DNMBP: variants seen among roughly 807,000 people sequenced by gnomAD.
DNMBP encodes dynamin binding protein, also known as dynamin-binding protein.
Under a neutral mutation model 150.0 loss-of-function variants are expected in DNMBP, and 87 were observed. That is an observed-to-expected ratio of 0.58 (90% CI 0.49 to 0.69). The LOEUF is 0.69. Among genes scored for constraint, DNMBP ranks in the 30% least tolerant of loss-of-function variants. DNMBP has a pLI of 0.00. For missense variants in DNMBP, 1,774 were observed against 1,949.0 expected, an observed-to-expected ratio of 0.91 and a Z score of 1.69; for synonymous variants, 711 against 750.4, an observed-to-expected ratio of 0.95 and a Z score of 0.86.
chr10:99,977,769 T>C (rs968728039), intron 1 of DNMBP, among the ~76,000 whole-genome samples: 1 of 152,226 alleles, frequency 6.6e-6, no homozygotes, highest in African/African-American at 2.4e-5. Flanking sequence ...TTTATTCTTA[T>C]CTTTTAAAAA....
At chr10:99,930,825 G>A in intron 4 of DNMBP, 1 of 609,186 alleles carries the variant, frequency 1.6e-6, no homozygotes, top group East Asian at 2.7e-5. Flanking sequence ...GCTGGGCTGT[G>A]GACAGGTGCA....
At chr10:99,894,922 A>T (rs2039628338) in intron 11 of DNMBP, 24 bp downstream of exon 11, 1 of 1,523,802 alleles carries the variant, frequency 6.6e-7, no homozygotes, top group East Asian at 2.3e-5. Flanking sequence ...ATGTTAATCT[A>T]ACTACAGTGA....
intron 1 of DNMBP, among the ~76,000 whole-genome samples, chr10:99,984,096 G>A (rs1333953959): frequency 1.3e-5 from 2 of 152,126 alleles, no homozygotes; most frequent in South Asian, 2.1e-4. Flanking sequence ...TTAAACTGCT[G>A]TTTTCCTTCC....
chr10:99,942,523 A>T (rs2040311648), intron 4 of DNMBP, among the ~76,000 whole-genome samples: 2 of 152,198 alleles, frequency 1.3e-5, no homozygotes, highest in Non-Finnish European at 1.5e-5. Flanking sequence ...GGCTATCTGA[A>T]GATGAATTAT....
At chr10:99,988,656 T>TTTTATTTA (rs1219674653) in intron 1 of DNMBP, among the ~76,000 whole-genome samples, 1 of 151,934 alleles carries the variant, frequency 6.6e-6, no homozygotes, top group Non-Finnish European at 1.5e-5. Flanking sequence ...TTATTTTTAT[T>TTTTATTTA]TTTATTTATT....
intron 4 of DNMBP, among the ~76,000 whole-genome samples, chr10:99,940,809 G>C (rs2040288743): frequency 6.6e-6 from 1 of 152,118 alleles, no homozygotes; most frequent in African/African-American, 2.4e-5. Context: ...AACTGCTCTT[G>C]ACAAGGTCAC....
At chr10:99,954,941 C>T (rs2040466599) in intron 4 of DNMBP, among the ~76,000 whole-genome samples, 1 of 148,448 alleles carries the variant, frequency 6.7e-6, no homozygotes, top group Non-Finnish European at 1.5e-5. Flanking sequence ...CAATCCCAGC[C>T]ATTTGGGAGG....
At chr10:99,966,858 G>A (rs2040624131) in intron 3 of DNMBP, among the ~76,000 whole-genome samples, 1 of 151,874 alleles carries the variant, frequency 6.6e-6, no homozygotes, top group Non-Finnish European at 1.5e-5. Flanking sequence ...ACAGCTCACT[G>A]CAGCCTCAAC....
At chr10:99,935,835 G>A (rs146142063) in intron 4 of DNMBP, among the ~76,000 whole-genome samples, 1,764 of 152,256 alleles carry the variant, frequency 0.012, 38 homozygotes, top group African/African-American at 0.039. Flanking sequence ...GAAGTGCTGG[G>A]ATTGCAGGCG....
At chr10:99,996,468 C>T (rs529675498) in intron 1 of DNMBP, among the ~76,000 whole-genome samples, 1 of 151,944 alleles carries the variant, frequency 6.6e-6, no homozygotes, top group Non-Finnish European at 1.5e-5. Context: ...TGCAGTGAGC[C>T]GAAATCGCAC....
At chr10:99,978,577 TTTG>T (rs1317653816) in intron 1 of DNMBP, among the ~76,000 whole-genome samples, 2 of 152,162 alleles carry the variant, frequency 1.3e-5, no homozygotes, top group African/African-American at 4.8e-5. Flanking sequence ...GTTTACGGTT[TTTG>T]TTGTTGTTGT....
In DNMBP at chr10:99,877,246, C is replaced by G; in HGVS notation, c.4639G>C (p.Asp1547His). The G allele has an allele frequency of 6.2e-7, 1 of 1,614,056 alleles. No individual in the cohort carries two copies. The highest frequency in any genetic ancestry group is 8.5e-7 in the Non-Finnish European group (1 of 1,180,004). Residue 1547 changes from aspartate to histidine, a missense_variant, in exon 17 of 17, where the codon GAT (aspartate) becomes CAT (histidine). Physicochemically the swap from Asp to His is moderately conservative, Grantham distance 81. Around this residue, in one of 2 missense-constraint regions of DNMBP, gnomAD observed 1,430 missense variants for 1,492.5 expected, o/e 0.96. Coordinates refer to ENST00000324109, the MANE Select transcript of DNMBP (RefSeq NM_015221.4). ...CACCACTCTGTATTTCCTGTAACAT[C>G]TTTAAACTCGAGGATCTTGAGTTTC... is the stretch of plus-strand genomic sequence containing the variant. ...NQKLKILEFK[D>H]VTGNTEWWLA... is the part of the protein sequence containing the mutation.
chr10:99,924,330 C>A (rs1039442640), intron 4 of DNMBP, among the ~76,000 whole-genome samples: 33 of 152,084 alleles, frequency 2.2e-4, no homozygotes, highest in Non-Finnish European at 2.9e-5. Context: ...GTAGTCCCAG[C>A]TACTCGGGAG....
intron 4 of DNMBP, among the ~76,000 whole-genome samples, chr10:99,915,613 G>C (rs1316502986): frequency 6.6e-6 from 1 of 152,116 alleles, no homozygotes; most frequent in Non-Finnish European, 1.5e-5. Context: ...TACTCCGAAG[G>C]CTGAAGTGGG....
At chr10:99,908,115 A>G in intron 5 of DNMBP, 21 bp from the exon 6 acceptor site, 5 of 1,535,750 alleles carry the variant, frequency 3.3e-6, no homozygotes, top group Non-Finnish European at 4.5e-6. Flanking sequence ...GAAACAAAAC[A>G]TAAAAATGCA....
At chr10:99,912,221 C>A (rs564045071) in intron 4 of DNMBP, among the ~76,000 whole-genome samples, 1 of 152,228 alleles carries the variant, frequency 6.6e-6, no homozygotes, top group South Asian at 2.1e-4. Flanking sequence ...CTTAATCCTG[C>A]ACCATTTGGT....
At chr10:99,985,316 C>T (rs1479487397) in intron 1 of DNMBP, among the ~76,000 whole-genome samples, 6 of 152,082 alleles carry the variant, frequency 3.9e-5, no homozygotes, top group Admixed American at 2.0e-4. Flanking sequence ...GAAACTACAG[C>T]CACTATACTT....
chr10:99,888,503 G>A (rs2039506097), intron 12 of DNMBP, among the ~76,000 whole-genome samples: 1 of 152,168 alleles, frequency 6.6e-6, no homozygotes, highest in Non-Finnish European at 1.5e-5. Context: ...GAGCCACTGT[G>A]CCTGGACCCT....
intron 1 of DNMBP, among the ~76,000 whole-genome samples, chr10:99,994,479 C>T (rs2040930740): frequency 6.6e-6 from 1 of 152,032 alleles, no homozygotes; most frequent in African/African-American, 2.4e-5. Context: ...CTAGGCGGGG[C>T]CAACTTCTCA....
Sources: allele counts gnomAD v4.1 joint callset (sites outside exome capture counted in the v4.1 genomes callset), GRCh38; gene constraint gnomAD v4.1.1; regional missense constraint gnomAD v4.1.1; transcripts MANE v1.5; gene names NCBI Gene and HGNC (gene_info 2026-07-23, HGNC 2026-07-21).